Variants in PODN observed in about 807,000 individuals in gnomAD.
The protein encoded by PODN is podocan proteoglycan.
PODN carries 40 observed loss-of-function variants against 52.7 expected under a neutral mutation model. The ratio of observed to expected loss-of-function variants is 0.76; its 90% confidence interval spans 0.59 to 0.99. PODN has a LOEUF of 0.99. PODN is among the 50% of genes least tolerant of loss of function. The pLI is 0.00. For synonymous variants in PODN, 396 were observed against 377.9 expected, an observed-to-expected ratio of 1.05 and a Z score of -0.56; for missense variants, 720 against 815.1, an observed-to-expected ratio of 0.88 and a Z score of 1.42.
intron 1 of PODN, among the ~76,000 whole-genome samples, chr1:53,065,995 C>CT (rs780284767): frequency 0.13 from 15,213 of 114,916 alleles, 2,114 homozygotes; most frequent in African/African-American, 0.31. Flanking sequence ...TTCTAGAGGT[C>CT]TTTTTTTTTT....
intron 2 of PODN, chr1:53,071,314 C>T: frequency 2.1e-6 from 1 of 476,502 alleles, no homozygotes; most frequent in Non-Finnish European, 3.7e-6. Context: ...TCCCTGAAGG[C>T]AGGACCCACA....
intron 1 of PODN, among the ~76,000 whole-genome samples, chr1:53,064,943 T>C (rs1423229627): frequency 1.3e-5 from 2 of 152,212 alleles, no homozygotes; most frequent in East Asian, 3.8e-4. Flanking sequence ...TCCAGGGGTT[T>C]GAGATGTTCC....
chr1:53,063,795 C>T (rs1403433343), intron 1 of PODN, among the ~76,000 whole-genome samples: 1 of 152,156 alleles, frequency 6.6e-6, no homozygotes, highest in Non-Finnish European at 1.5e-5. Context: ...CACTTTTAGG[C>T]TTGGTGTAGT....
intron 4 of PODN, among the ~76,000 whole-genome samples, chr1:53,075,108 C>A (rs1198374652): frequency 1.3e-5 from 2 of 152,180 alleles, no homozygotes; most frequent in Non-Finnish European, 2.9e-5. Context: ...TCTGTCCCAG[C>A]CCCTTCTCTC....
chr1:53,071,742 G>A, intron 3 of PODN, 114 bp downstream of exon 3: 2 of 1,065,966 alleles, frequency 1.9e-6, no homozygotes, highest in Non-Finnish European at 2.7e-6. Flanking sequence ...GGGTGTGGAT[G>A]GAAGAGAGCA....
intron 1 of PODN, among the ~76,000 whole-genome samples, chr1:53,069,575 C>G (rs1644080626): frequency 6.6e-6 from 1 of 152,248 alleles, no homozygotes; most frequent in Non-Finnish European, 1.5e-5. Flanking sequence ...AGGGCCAAGC[C>G]TGCTGAATGA....
intron 1 of PODN, chr1:53,063,254 C>A (rs1158892915): frequency 5.2e-5 from 35 of 667,904 alleles, no homozygotes; most frequent in Non-Finnish European, 6.1e-5. Context: ...GGGGCGAGCA[C>A]CCCGGCCCCG....
intron 1 of PODN, chr1:53,063,618 G>T (rs1336298165): frequency 2.0e-6 from 2 of 979,272 alleles, no homozygotes; most frequent in Admixed American, 6.1e-5. Flanking sequence ...GGACTGCTCT[G>T]GGGGTTCTGC....
intron 4 of PODN, 141 bp downstream of exon 4, chr1:53,074,811 G>T: frequency 1.9e-6 from 1 of 518,316 alleles, no homozygotes; most frequent in Non-Finnish European, 3.6e-6. Context: ...CCTGGGTCGG[G>T]GGTGGGGGAG....
intron 8 of PODN, among the ~76,000 whole-genome samples, chr1:53,079,860 C>T (rs924435256): frequency 5.9e-5 from 9 of 151,918 alleles, no homozygotes; most frequent in African/African-American, 2.2e-4. Context: ...AAATTTAGCC[C>T]CGTGCAGTGG....
At chr1:53,079,081 C>A in intron 8 of PODN, 59 bp downstream of exon 8, 1 of 1,446,726 alleles carries the variant, frequency 6.9e-7, no homozygotes, top group South Asian at 1.4e-5. Flanking sequence ...GCATGGCTGC[C>A]CTGAGCCCAC....
At chr1:53,070,559 A>G (rs78344136) in intron 2 of PODN, among the ~76,000 whole-genome samples, 7,360 of 152,284 alleles carry the variant, frequency 0.048, 270 homozygotes, top group East Asian at 0.19. Flanking sequence ...AATACTCTGG[A>G]GCCTTGGAGG....
At chr1:53,082,698 T>C (rs1644313092) in intron 10 of PODN, among the ~76,000 whole-genome samples, 1 of 152,176 alleles carries the variant, frequency 6.6e-6, no homozygotes, top group Non-Finnish European at 1.5e-5. Flanking sequence ...TGCACACGGA[T>C]GCACCAACAC....
intron 8 of PODN, among the ~76,000 whole-genome samples, chr1:53,079,319 G>A (rs554999084): frequency 5.9e-5 from 9 of 152,322 alleles, no homozygotes; most frequent in Admixed American, 2.6e-4. Flanking sequence ...TGGTATGACC[G>A]AGCTGAGCTC....
chr1:53,077,910 T>G, intron 7 of PODN, 110 bp downstream of exon 7: 1 of 794,802 alleles, frequency 1.3e-6, no homozygotes, highest in Non-Finnish European at 2.0e-6. Context: ...CCTGCCCACC[T>G]TCCCTGGAGA....
In PODN at chr1:53,078,564, C is replaced by T. The variant is rs1289196281; in HGVS notation, c.1054C>T (p.Pro352Ser). The change falls in exon 8 of 11, where the codon CCA becomes TCA. Residue 352 changes from proline (P) to serine (S), a missense_variant. Transcript: ENST00000312553. ...CCAGCTGCGGGAGCAGGGCATCCACCCACTGGCCTTCCAGGGCCTCAAGCG... is the reference window on the plus strand; with the variant it reads ...CCAGCTGCGGGAGCAGGGCATCCACTCACTGGCCTTCCAGGGCCTCAAGCG... ...SNQLREQGIHPLAFQGLKRLH... is the reference protein window; with the variant it reads ...SNQLREQGIHSLAFQGLKRLH... 1.9e-6 allele frequency: 3 copies of T among 1,613,118 alleles called. No individual in the cohort carries two copies. Among genetic ancestry groups the T allele is most frequent in the Admixed American group, 1.7e-5 (1 of 60,026 alleles).
intron 2 of PODN, 75 bp from the exon 3 acceptor site, chr1:53,071,460 T>C: frequency 5.7e-6 from 7 of 1,238,176 alleles, no homozygotes; most frequent in Non-Finnish European, 8.0e-6. Context: ...GGACTGGAGC[T>C]ATGGGTAGGG....
In PODN at chr1:53,079,020, C is replaced by T; in HGVS notation, c.1510C>T (p.Gln504Ter). 1 of 1,538,594 alleles carries T rather than the reference C, an allele frequency of 6.5e-7. No homozygotes were observed. Among genetic ancestry groups the T allele is most frequent in the Non-Finnish European group, 8.8e-7 (1 of 1,141,056 alleles). The change falls in exon 8 of 11, where the codon CAG (glutamine) becomes TAG (stop). Residue 504 changes from glutamine to a stop codon, truncating the protein, a stop_gained and splice_region_variant. Transcript: ENST00000312553. LOFTEE classifies it high-confidence loss of function. ...TGCCTGGGTGGACCTCGCCCATCTGCAGGTAAGCGGAAGGGAGGGGGCTGA... is the reference window on the plus strand; with the variant it reads ...TGCCTGGGTGGACCTCGCCCATCTGTAGGTAAGCGGAAGGGAGGGGGCTGA... ...PRAWVDLAHL[Q>*]LLDIAGNQLT...
At position 53,070,106 on chromosome 1, in the gene PODN, G is replaced by T; in HGVS notation, c.251G>T (p.Gly84Val). The change falls in exon 2 of 11, where the codon GGT becomes GTT. Residue 84 changes from glycine (G) to valine (V), a missense_variant. By Grantham distance (109) the Gly-to-Val change is moderately radical. Coordinates refer to ENST00000312553, the MANE Select transcript of PODN (RefSeq NM_153703.5). ...CAGGAGGGCGTCGTGGACTGTGGCG[G>T]TATTGACCTGCGTGAGTTCCCGGGG... is the stretch of plus-strand genomic sequence containing the variant. ...CSQEGVVDCG[G>V]IDLREFPGDL... 1 of 1,612,640 alleles carries T rather than the reference G, an allele frequency of 6.2e-7. No individual in the cohort carries two copies. The highest frequency in any genetic ancestry group is 8.5e-7 in the Non-Finnish European group (1 of 1,180,010).
Sources: allele counts gnomAD v4.1 joint callset (sites outside exome capture counted in the v4.1 genomes callset), GRCh38; gene constraint gnomAD v4.1.1; transcripts MANE v1.5; gene names NCBI Gene and HGNC (gene_info 2026-07-23, HGNC 2026-07-21).